Variants in MIDEAS observed in about 807,000 individuals in gnomAD.
MIDEAS encodes mitotic deacetylase associated SANT domain protein.
A neutral mutation model predicts 102.7 loss-of-function variants in MIDEAS; 26 were observed. That is an observed-to-expected ratio of 0.25 (90% confidence interval 0.19 to 0.35). MIDEAS has a LOEUF of 0.35. Ranked by LOEUF, MIDEAS falls within the 10% of genes least tolerant of loss-of-function variation. MIDEAS has a pLI of 1.00. For missense variants in MIDEAS, 1,231 were observed against 1,435.6 expected (o/e 0.86, Z 2.30); for synonymous variants, 585 against 591.0 (o/e 0.99, Z 0.15).
chr14:73,740,209 G>T lies in MIDEAS; in HGVS notation c.-201C>A. 1.9e-6 allele frequency: 1 copy of T among 539,552 alleles called. No homozygotes were observed. The highest frequency in any genetic ancestry group is 2.9e-6 in the Non-Finnish European group (1 of 349,210). 33.4% of individuals were successfully genotyped at this position (539,552 alleles called of 1,614,324 possible). ...CTTTCTCTTCCAGAGAGGCTCTGGGGCTCAGCTACTCTTCCCAGTTCATGA... is the reference window on the plus strand; with the variant it reads ...CTTTCTCTTCCAGAGAGGCTCTGGGTCTCAGCTACTCTTCCCAGTTCATGA... On this transcript the variant is annotated 5_prime_UTR_variant, in exon 2 of 13. Transcript: ENST00000423556.
chr14:73,718,699 T>C lies in MIDEAS; in HGVS notation c.*144A>G, dbSNP rs1183144526. On this transcript the variant is annotated 3_prime_UTR_variant, in exon 13 of 13. Coordinates refer to ENST00000423556, the MANE Select transcript of MIDEAS (RefSeq NM_001367710.1). ...GGCCTTCATAAATAAAAGAGCCGTTTATGTCATTGTCTCATTTGTTTCGCA... is the reference window on the plus strand; with the variant it reads ...GGCCTTCATAAATAAAAGAGCCGTTCATGTCATTGTCTCATTTGTTTCGCA... 4.8e-6 allele frequency: 4 copies of C among 833,484 alleles called. No individual in the cohort carries two copies. Among genetic ancestry groups the C allele is most frequent in the Admixed American group, 8.3e-5 (2 of 24,040 alleles). The allele number at this position is 833,484 out of a possible 1,614,324, so 51.6% of individuals were successfully genotyped here.
intron 3 of MIDEAS, among the ~76,000 whole-genome samples, chr14:73,736,475 C>G (rs1053827307): frequency 6.6e-6 from 1 of 151,774 alleles, no homozygotes; most frequent in South Asian, 2.1e-4. Context: ...ACTAAAAATA[C>G]AAAAAATTAG....
chr14:73,746,997 G>A (rs1480497703), intron 1 of MIDEAS, among the ~76,000 whole-genome samples: 1 of 152,128 alleles, frequency 6.6e-6, no homozygotes, highest in Non-Finnish European at 1.5e-5. Context: ...CTGGGGACAG[G>A]CAACCCCTGG....
chr14:73,737,421 C>A, intron 2 of MIDEAS, 124 bp from the exon 3 acceptor site: 1 of 1,083,854 alleles, frequency 9.2e-7, no homozygotes, highest in South Asian at 1.6e-5. Flanking sequence ...GCCACAAGTT[C>A]AAGACCAGCC....
upstream of MIDEAS, among the ~76,000 whole-genome samples, chr14:73,787,721 C>G (rs2053831313): frequency 6.6e-6 from 1 of 152,224 alleles, no homozygotes. Flanking sequence ...CCCACGTTCT[C>G]TCTAAAAGTC....
chr14:73,774,032 A>AG (rs1165676595), intron 1 of MIDEAS, among the ~76,000 whole-genome samples: 1 of 151,454 alleles, frequency 6.6e-6, no homozygotes, highest in Non-Finnish European at 1.5e-5. Context: ...AAAAAAAAAA[A>AG]AAAAAAGAAA....
At position 73,715,710 on chromosome 14, in the gene MIDEAS, G is replaced by T. The variant is rs763461457; in HGVS notation, c.*3133C>A. On this transcript the variant is annotated 3_prime_UTR_variant, in exon 13 of 13. Coordinates refer to ENST00000423556, the MANE Select transcript of MIDEAS (RefSeq NM_001367710.1). ...GAGCCCCAGTGAAAACAACTAAACA[G>T]GCTGAGGCTTGAGTATGTGTTGTAT... 3 of 152,600 alleles carry T rather than the reference G, an allele frequency of 2.0e-5. No homozygotes were observed. Among genetic ancestry groups the T allele is most frequent in the Non-Finnish European group, 4.4e-5 (3 of 68,038 alleles). 9.5% of individuals were successfully genotyped at this position (152,600 alleles called of 1,614,324 possible).
intron 11 of MIDEAS, among the ~76,000 whole-genome samples, chr14:73,720,408 C>T (rs1162469718): frequency 6.6e-6 from 1 of 151,940 alleles, no homozygotes; most frequent in African/African-American, 2.4e-5. Context: ...CCACCATGCC[C>T]AGCTAGTTTT....
At chr14:73,750,446 C>T (rs866439866) in intron 1 of MIDEAS, among the ~76,000 whole-genome samples, 1 of 152,178 alleles carries the variant, frequency 6.6e-6, no homozygotes, top group African/African-American at 2.4e-5. Flanking sequence ...TTATCCTAGC[C>T]CCAGTCAGCC....
Position 73,725,826 on chromosome 14 carries a change from C to A in MIDEAS, c.2485+207G>T, listed in dbSNP as rs1245790010. On this transcript the variant is annotated intron_variant, in intron 8 of 12. Coordinates refer to ENST00000423556, the MANE Select transcript of MIDEAS (RefSeq NM_001367710.1). The surrounding 1 kb of genome is among the most constrained non-coding windows in gnomAD (Gnocchi z 4.1). ...GCCTGGATGGTCTCCCACCTGCCCA[C>A]TCCCTTCTCCCCTCCCCTCCAGGGC... is the stretch of plus-strand genomic sequence containing the variant. Among the ~76,000 whole-genome samples, 2 of 152,154 alleles carry A rather than the reference C, an allele frequency of 1.3e-5. No individual in the cohort carries two copies. Among genetic ancestry groups the A allele is most frequent in the Admixed American group, 6.5e-5 (1 of 15,284 alleles).
At chr14:73,749,107 C>T (rs1595277992) in intron 1 of MIDEAS, among the ~76,000 whole-genome samples, 1 of 152,132 alleles carries the variant, frequency 6.6e-6, no homozygotes, top group East Asian at 1.9e-4. Flanking sequence ...AAGATTTAGA[C>T]ACTATAAACC....
At chr14:73,727,163 G>A (rs183850420) in intron 5 of MIDEAS, 191 bp from the exon 6 acceptor site, 7 of 707,760 alleles carry the variant, frequency 9.9e-6, no homozygotes, top group East Asian at 5.5e-5. Flanking sequence ...AGGTCCAGAG[G>A]CTGGAGAGGG....
intron 1 of MIDEAS, among the ~76,000 whole-genome samples, chr14:73,756,267 A>AGAGAGTGTGTGTGT (rs1555344782): frequency 7.1e-6 from 1 of 141,038 alleles, no homozygotes; most frequent in Non-Finnish European, 1.6e-5. Flanking sequence ...AGCCCATGTC[A>AGAGAGTGTGTGTGT]GTGTGTGTGT....
intron 1 of MIDEAS, among the ~76,000 whole-genome samples, chr14:73,785,307 T>C (rs182360703): frequency 7.4e-4 from 112 of 152,342 alleles, no homozygotes; most frequent in African/African-American, 2.7e-3. Flanking sequence ...CTTCTTTCCA[T>C]ACTTGCAGGC....
Position 73,739,496 on chromosome 14 carries a change from C to T in MIDEAS, c.513G>A (p.Gly171=). ...HPEALKREKA[G]GPQLDRYVRP... ...GCACATAGCGGTCCAGCTGTGGGCCCCCCGCTTTCTCCCGCTTCAGTGCCT... is the reference window on the plus strand; with the variant it reads ...GCACATAGCGGTCCAGCTGTGGGCCTCCCGCTTTCTCCCGCTTCAGTGCCT... The change falls in exon 2 of 13, where the codon GGG becomes GGA. Residue 171 remains glycine (G), a synonymous_variant. Transcript: ENST00000423556. 1 of 1,612,882 alleles carries T rather than the reference C, an allele frequency of 6.2e-7. No homozygotes were observed.
At chr14:73,769,462 A>G (rs1258204426) in intron 1 of MIDEAS, among the ~76,000 whole-genome samples, 3 of 152,236 alleles carry the variant, frequency 2.0e-5, no homozygotes, top group African/African-American at 7.2e-5. Context: ...CCGCCCCAAC[A>G]TGAAAATAAG....
intron 1 of MIDEAS, among the ~76,000 whole-genome samples, chr14:73,767,905 T>A (rs1392527918): frequency 6.6e-6 from 1 of 152,114 alleles, no homozygotes; most frequent in Non-Finnish European, 1.5e-5. Context: ...ACGCCTGTAA[T>A]CCCAACACTC....
chr14:73,778,796 G>A (rs918299582), intron 1 of MIDEAS, among the ~76,000 whole-genome samples: 2 of 152,006 alleles, frequency 1.3e-5, no homozygotes, highest in African/African-American at 4.8e-5. Context: ...CTGCAATCCT[G>A]GATGATATAA....
chr14:73,759,971 G>A lies in MIDEAS; in HGVS notation c.-456C>T, dbSNP rs2053538297. On this transcript the variant is annotated 5_prime_UTR_variant, in exon 1 of 13. Coordinates refer to ENST00000423556, the MANE Select transcript of MIDEAS (RefSeq NM_001367710.1). The surrounding 1 kb of genome is among the most constrained non-coding windows in gnomAD (Gnocchi z 6.7). ...AGAAGTTTGCTGGCAGGGCCCGGGC[G>A]GGACGCGCGGGCTGTCACCCCCCGC... The A allele has an allele frequency of 6.6e-6, 1 of 151,912 alleles. No individual in the cohort carries two copies. Among genetic ancestry groups the A allele is most frequent in the Admixed American group, 6.5e-5 (1 of 15,272 alleles). The allele number at this position is 151,912 out of a possible 1,614,324, so 9.4% of individuals were successfully genotyped here. A position where few individuals can be genotyped will look rare whatever the true frequency, so the allele number is the denominator to read the frequency against.
Sources: gnomAD v4.1 joint callset for allele counts (sites outside exome capture counted in the v4.1 genomes callset) on GRCh38, gnomAD v4.1.1 for gene constraint, Gnocchi (gnomAD v3.1) non-coding constraint, MANE v1.5 for transcripts, NCBI Gene and HGNC (gene_info 2026-07-23, HGNC 2026-07-21) for gene names.